CNBD2: variants seen among roughly 807,000 people sequenced by gnomAD.
The protein encoded by CNBD2 is cyclic nucleotide-binding domain-containing protein 2.
CNBD2 carries 64 observed loss-of-function variants against 63.7 expected under a neutral mutation model. That is an observed-to-expected ratio of 1.00 (90% CI 0.82 to 1.24). The LOEUF is 1.24. Among genes scored for constraint, CNBD2 ranks in the 50% most tolerant of loss-of-function variants. The probability of loss-of-function intolerance (pLI) is 0.00; values close to 1 mark genes in which losing one functional copy is unlikely to be tolerated. For missense variants in CNBD2, 691 were observed against 713.5 expected, an observed-to-expected ratio of 0.97 and a Z score of 0.36; for synonymous variants, 229 against 255.4, an observed-to-expected ratio of 0.90 and a Z score of 0.99.
rs769752351 is a variant in CNBD2, at chr20:35,987,533, G to A, written c.855G>A (p.Lys285=). 1.9e-6 allele frequency: 3 copies of A among 1,614,130 alleles called. No homozygotes were observed. Among genetic ancestry groups the A allele is most frequent in the Admixed American group, 3.3e-5 (2 of 60,018 alleles). Residue 285 remains lysine, a splice_region_variant and synonymous_variant, in exon 7 of 12, where the codon AAG becomes AAA. Transcript: ENST00000373973. The stretch of plus-strand genomic sequence containing the variant: ...CACCCTTCATCATGTTTATCAGCAA[G>A]GTGAAAAGTCTGGGGGTTGGGATGA... ...GESPFIMFIS[K]GSCEVLRLLD... is the part of the protein sequence containing the mutation.
chr20:35,984,816 G>A (rs1239968314), intron 6 of CNBD2, 38 bp downstream of exon 6: 18 of 1,606,050 alleles, frequency 1.1e-5, no homozygotes, highest in Non-Finnish European at 1.4e-5. Flanking sequence ...TTCCCCTTGT[G>A]TGTTTATTAG....
At chr20:36,001,682 G>A (rs2056908553) in intron 8 of CNBD2, among the ~76,000 whole-genome samples, 1 of 150,988 alleles carries the variant, frequency 6.6e-6, no homozygotes, top group Non-Finnish European at 1.5e-5. Context: ...TTCTCAGACG[G>A]GGCGGCCGGG....
intron 6 of CNBD2, among the ~76,000 whole-genome samples, chr20:35,987,188 G>A (rs1354451765): frequency 5.9e-5 from 9 of 152,164 alleles, no homozygotes; most frequent in Non-Finnish European, 1.0e-4. Flanking sequence ...TGGCTGGAGG[G>A]GAGGGCCTTG....
chr20:36,026,346 C>T (rs567382483), intron 11 of CNBD2, among the ~76,000 whole-genome samples: 156 of 152,198 alleles, frequency 1.0e-3, no homozygotes, highest in African/African-American at 3.6e-3. Context: ...ACCCCCACTT[C>T]GGGACCACCA....
chr20:35,976,005 A>G lies in CNBD2; in HGVS notation c.243+3A>G. The G allele has an allele frequency of 6.2e-7, 1 of 1,608,440 alleles. No homozygotes were observed. The highest frequency in any genetic ancestry group is 8.5e-7 in the Non-Finnish European group (1 of 1,175,384). On this transcript the variant is annotated splice_donor_region_variant and intron_variant, in intron 3 of 11. Coordinates refer to ENST00000373973, the MANE Select transcript of CNBD2 (RefSeq NM_001365709.1). ...CCATGGACTTCATTGCAGAGGAGGT[A>G]TGCATAGCTCGAAACTTGCTGTGGG...
At chr20:36,023,500 C>A in intron 10 of CNBD2, 102 bp from the exon 11 acceptor site, 2 of 1,119,168 alleles carry the variant, frequency 1.8e-6, no homozygotes, top group Non-Finnish European at 2.5e-6. Flanking sequence ...GCAACAACAG[C>A]GAAACTCCGT....
At chr20:35,957,991 A>G (rs1327546931), downstream of CNBD2, among the ~76,000 whole-genome samples, 1 of 152,218 alleles carries the variant, frequency 6.6e-6, no homozygotes, top group Non-Finnish European at 1.5e-5. Context: ...ATCCCTGAGA[A>G]GGCAGAGCTC....
At chr20:35,991,674 C>G (rs1448707639) in intron 7 of CNBD2, among the ~76,000 whole-genome samples, 2 of 152,160 alleles carry the variant, frequency 1.3e-5, no homozygotes, top group Non-Finnish European at 2.9e-5. Context: ...TTCTGACTGG[C>G]AGAAAGCGGG....
At position 35,995,108 on chromosome 20, in the gene CNBD2, A is replaced by G; in HGVS notation, c.926A>G (p.His309Arg). Reference sequence around the variant, plus strand: ...TCCTACCGTAGATGGATCTGGCAGCACCTGGAGCTGATAGATGGCAGACCT... The same window carrying G: ...TCCTACCGTAGATGGATCTGGCAGCGCCTGGAGCTGATAGATGGCAGACCT... ...SPSYRRWIWQ[H>R]LELIDGRPLK... The change falls in exon 8 of 12, where the codon CAC becomes CGC. Residue 309 changes from histidine to arginine, a missense_variant. Coordinates refer to ENST00000373973, the MANE Select transcript of CNBD2 (RefSeq NM_001365709.1). The G allele has an allele frequency of 1.2e-6, 2 of 1,614,054 alleles. No homozygotes were observed. Among genetic ancestry groups the G allele is most frequent in the African/African-American group, 2.7e-5 (2 of 75,048 alleles).
downstream of CNBD2, among the ~76,000 whole-genome samples, chr20:35,955,705 C>T (rs148439098): frequency 1.7e-4 from 26 of 152,240 alleles, no homozygotes; most frequent in Non-Finnish European, 3.5e-4. Context: ...GGTAAAAGCA[C>T]GTGGCCCTGA....
intron 7 of CNBD2, among the ~76,000 whole-genome samples, chr20:35,990,347 T>C (rs79118344): frequency 0.036 from 5,428 of 152,282 alleles, 338 homozygotes; most frequent in African/African-American, 0.12. Flanking sequence ...AAGCTATTAT[T>C]GCTCCGGGCG....
rs1322669885 is a variant in CNBD2, at chr20:35,984,719, T to A, written c.657T>A (p.Phe219Leu). 3.1e-6 allele frequency: 5 copies of A among 1,614,220 alleles called. No individual in the cohort carries two copies. The highest frequency in any genetic ancestry group is 4.2e-6 in the Non-Finnish European group (5 of 1,180,026). ...TGGTTGTTGACCGGGAGGACTTCTT[T>A]GCTAATAAGCTGGACCAGGAAGTTC... ...EFLVVDREDFFANKLDQEVQK... is the reference protein window; with the variant it reads ...EFLVVDREDFLANKLDQEVQK... The change falls in exon 6 of 12, where the codon TTT becomes TTA. Residue 219 changes from phenylalanine (F) to leucine (L), a missense_variant. Physicochemically the swap from Phe to Leu is conservative, Grantham distance 22. Coordinates refer to ENST00000373973, the MANE Select transcript of CNBD2 (RefSeq NM_001365709.1).
At position 35,980,487 on chromosome 20, in the gene CNBD2, T is replaced by C; in HGVS notation, c.272T>C (p.Ile91Thr). 6.2e-7 allele frequency: 1 copy of C among 1,614,170 alleles called. No homozygotes were observed. Among genetic ancestry groups the C allele is most frequent in the East Asian group, 2.2e-5 (1 of 44,876 alleles). Residue 91 changes from isoleucine to threonine, a missense_variant, in exon 4 of 12, where the codon ATC (isoleucine) becomes ACC (threonine). Coordinates refer to ENST00000373973, the MANE Select transcript of CNBD2 (RefSeq NM_001365709.1). The part of the protein sequence containing the change: ...EGHFPPKAIQ[I>T]MQKKPSWRTE... The stretch of plus-strand genomic sequence containing the variant: ...CACTTTCCTCCAAAGGCCATTCAGA[T>C]CATGCAGAAGAAGCCTTCCTGGAGA...
At position 35,987,408 on chromosome 20, in the gene CNBD2, T is replaced by G. The variant is rs150152777; in HGVS notation, c.730T>G (p.Phe244Val). ...RFEFFRKMEL[F>V]ASWSDEKLWQ... ...CTCTTCCCACAGGAAGATGGAGCTG[T>G]TTGCATCATGGTCTGATGAGAAGCT... is the stretch of plus-strand genomic sequence containing the variant. The change falls in exon 7 of 12, where the codon TTT (phenylalanine) becomes GTT (valine). Residue 244 changes from phenylalanine (F) to valine (V), a missense_variant. Transcript: ENST00000373973. 3.2e-4 allele frequency: 518 copies of G among 1,614,136 alleles called. 5 individuals carry two copies. In the East Asian group the frequency reaches 0.01, roughly 32 times the overall value.
Position 36,020,231 on chromosome 20 carries a change from C to T in CNBD2, c.1270-3371C>T, listed in dbSNP as rs531347275. ...CCAAGTAGCTGGGACTACAAGCACC[C>T]GCACCACGCCCGGCTAATTTTCTGT... On this transcript the variant is annotated intron_variant, in intron 10 of 11. Transcript: ENST00000373973. Among the ~76,000 whole-genome samples, 20 of 152,186 alleles carry T rather than the reference C, an allele frequency of 1.3e-4. No individual in the cohort carries two copies. The East Asian group carries it at 3.1e-3, about 24-fold the overall frequency.
intron 1 of CNBD2, 81 bp from the exon 2 acceptor site, chr20:35,972,548 C>T (rs138315964): frequency 4.6e-5 from 63 of 1,360,450 alleles, no homozygotes; most frequent in Non-Finnish European, 6.5e-5. Context: ...GTAAATTTCA[C>T]CTTGTTCAGC....
rs140242840 is a variant in CNBD2, at chr20:36,009,819, G to A, written c.1149-1318G>A. ...TGTACTTCAGCCTGTGCAACAGAGC[G>A]AGACTGCATCTCAAAAACAAAACAA... is the stretch of plus-strand genomic sequence containing the variant. On this transcript the variant is annotated intron_variant, in intron 9 of 11. Transcript: ENST00000373973. Among the ~76,000 whole-genome samples, 311 of 152,216 alleles carry A rather than the reference G, an allele frequency of 2.0e-3. 1 individual carries two copies. The highest frequency in any genetic ancestry group is 3.3e-3 in the Non-Finnish European group (223 of 68,014).
chr20:36,015,306 T>G (rs2057119068), intron 10 of CNBD2, among the ~76,000 whole-genome samples: 1 of 152,218 alleles, frequency 6.6e-6, no homozygotes, highest in South Asian at 2.1e-4. Context: ...TTTCTACCAT[T>G]CTTTAGGTTG....
downstream of CNBD2, among the ~76,000 whole-genome samples, chr20:35,960,292 G>A (rs2056295941): frequency 7.5e-6 from 1 of 133,626 alleles, no homozygotes; most frequent in South Asian, 2.1e-4. Context: ...GCCCAGCAAT[G>A]AATGAGAATT....
Sources: allele counts gnomAD v4.1 joint callset (sites outside exome capture counted in the v4.1 genomes callset), GRCh38; gene constraint gnomAD v4.1.1; transcripts MANE v1.5; gene names NCBI Gene and HGNC (gene_info 2026-07-23, HGNC 2026-07-21).